The following SLC4A4 variants were observed in gnomAD, a reference collection of about 807,000 sequenced individuals.
SLC4A4 encodes electrogenic sodium bicarbonate cotransporter 1.
SLC4A4 carries 27 observed loss-of-function variants against 111.5 expected under a neutral mutation model. The ratio of observed to expected loss-of-function variants is 0.24; its 90% CI spans 0.18 to 0.33. The LOEUF (loss-of-function observed/expected upper bound fraction) is 0.33. Among genes scored for constraint, SLC4A4 ranks in the 10% least tolerant of loss-of-function variants. The pLI is 1.00. For missense variants in SLC4A4, 909 were observed against 1,315.5 expected (o/e 0.69, Z 4.78); for synonymous variants, 443 against 463.4 (o/e 0.96, Z 0.57).
chr4:71,331,305 G>A (rs993522061), intron 3 of SLC4A4, among the ~76,000 whole-genome samples: 22 of 152,116 alleles, frequency 1.4e-4, no homozygotes, highest in Non-Finnish European at 2.9e-4. Flanking sequence ...GGCACTATTC[G>A]TAATAGCAAA....
At chr4:71,396,087 T>C (rs1416808165) in intron 6 of SLC4A4, among the ~76,000 whole-genome samples, 1 of 152,230 alleles carries the variant, frequency 6.6e-6, no homozygotes, top group Non-Finnish European at 1.5e-5. Context: ...GAGTGGACAC[T>C]AGAAATCTAA....
chr4:71,225,989 T>C (rs1241530403), intron 1 of SLC4A4, among the ~76,000 whole-genome samples: 1 of 152,218 alleles, frequency 6.6e-6, no homozygotes, highest in Non-Finnish European at 1.5e-5. Flanking sequence ...TATATTGACA[T>C]TTTGAATCCT....
intron 24 of SLC4A4, among the ~76,000 whole-genome samples, chr4:71,565,004 A>T (rs1737330869): frequency 6.6e-6 from 1 of 151,740 alleles, no homozygotes; most frequent in African/African-American, 2.4e-5. Flanking sequence ...GAGTCTCTGA[A>T]GACTATTTTT....
intron 1 of SLC4A4, among the ~76,000 whole-genome samples, chr4:71,208,582 G>A (rs1419725455): frequency 6.9e-6 from 1 of 143,980 alleles, no homozygotes; most frequent in Non-Finnish European, 1.5e-5. Context: ...ATTAAAAGGG[G>A]CCTACATTAG....
rs1047831843 is a variant in SLC4A4, at chr4:71,079,909, C to T, written c.-64-12821C>T. On this transcript the variant is annotated intron_variant, in intron 1 of 26. Transcript: ENST00000649996. Reference sequence around the variant, plus strand: ...GTTTAAGTGTATGCTGAAAGCAGTACGAAGGTATGAAGTATAAGGACTCTT... The same window carrying T: ...GTTTAAGTGTATGCTGAAAGCAGTATGAAGGTATGAAGTATAAGGACTCTT... 7.3e-5 allele frequency among the ~76,000 whole-genome samples: 11 copies of T among 151,164 alleles called. 1 individual carries two copies. The highest frequency in any genetic ancestry group is 3.9e-4 in the East Asian group (2 of 5,180).
chr4:71,199,381 T>A (rs1159581856), intron 1 of SLC4A4, among the ~76,000 whole-genome samples: 8 of 152,240 alleles, frequency 5.3e-5, no homozygotes, highest in Non-Finnish European at 1.2e-4. Context: ...ATTTCTGAAT[T>A]GAAACCAACA....
intron 1 of SLC4A4, among the ~76,000 whole-genome samples, chr4:71,190,208 A>C (rs137916204): frequency 6.6e-6 from 1 of 152,230 alleles, no homozygotes; most frequent in African/African-American, 2.4e-5. Context: ...TTCCAAATAC[A>C]TTTTGCCTTT....
intron 6 of SLC4A4, among the ~76,000 whole-genome samples, chr4:71,391,308 T>C (rs1185568800): frequency 6.6e-6 from 1 of 152,096 alleles, no homozygotes; most frequent in African/African-American, 2.4e-5. Context: ...GATCTTTGTT[T>C]TAGCTTGTCC....
intron 3 of SLC4A4, among the ~76,000 whole-genome samples, chr4:71,271,531 A>ATCC (rs1722700009): frequency 6.6e-6 from 1 of 152,250 alleles, no homozygotes; most frequent in Non-Finnish European, 1.5e-5. Context: ...ACTAGGATTA[A>ATCC]TATTGTTCCT....
chr4:71,255,763 G>A (rs932285188), intron 3 of SLC4A4, among the ~76,000 whole-genome samples: 6 of 152,178 alleles, frequency 3.9e-5, no homozygotes. Context: ...AATAGGTTCT[G>A]TTGAGACAGC....
At chr4:71,257,328 T>C (rs1721523675) in intron 3 of SLC4A4, among the ~76,000 whole-genome samples, 1 of 152,230 alleles carries the variant, frequency 6.6e-6, no homozygotes, top group South Asian at 2.1e-4. Flanking sequence ...AAATTATTTA[T>C]AAGTATGCAT....
chr4:71,138,264 C>G (rs1240437328), intron 2 of SLC4A4, among the ~76,000 whole-genome samples: 1 of 152,164 alleles, frequency 6.6e-6, no homozygotes. Context: ...CTATCCATTC[C>G]TTGCTTGCCT....
At chr4:71,410,664 G>A (rs1281938444) in intron 7 of SLC4A4, among the ~76,000 whole-genome samples, 1 of 152,082 alleles carries the variant, frequency 6.6e-6, no homozygotes, top group Non-Finnish European at 1.5e-5. Flanking sequence ...AGACTTTGAG[G>A]GACTGTTGGG....
chr4:71,431,474 G>A (rs1723638828), intron 7 of SLC4A4, among the ~76,000 whole-genome samples: 1 of 152,092 alleles, frequency 6.6e-6, no homozygotes, highest in Admixed American at 6.6e-5. Flanking sequence ...AGTAGAATGT[G>A]GGCATGGAGA....
intron 3 of SLC4A4, among the ~76,000 whole-genome samples, chr4:71,271,213 T>C (rs1323197643): frequency 1.3e-5 from 2 of 152,242 alleles, no homozygotes; most frequent in Non-Finnish European, 2.9e-5. Flanking sequence ...CATACTTGTA[T>C]ACATAAATGA....
At chr4:71,098,485 C>G (rs757806498) in intron 2 of SLC4A4, among the ~76,000 whole-genome samples, 3 of 152,098 alleles carry the variant, frequency 2.0e-5, no homozygotes, top group African/African-American at 4.8e-5. Flanking sequence ...GTTCTTTTTG[C>G]TTAGGATTGC....
chr4:71,093,935 CAGG>C (rs1742461847), intron 2 of SLC4A4, among the ~76,000 whole-genome samples: 1 of 152,006 alleles, frequency 6.6e-6, no homozygotes, highest in Non-Finnish European at 1.5e-5. Context: ...GTCACAAAAG[CAGG>C]AGAACAAAAA....
intron 3 of SLC4A4, among the ~76,000 whole-genome samples, chr4:71,277,687 G>A (rs977106706): frequency 3.9e-5 from 5 of 128,742 alleles, no homozygotes; most frequent in African/African-American, 5.9e-5. Context: ...TTTTTCTCTC[G>A]CTCTGTCTTT....
In SLC4A4 at chr4:71,439,798, T is replaced by TG. The variant is rs1724550441; in HGVS notation, c.808-818_808-817insG. On this transcript the variant is annotated intron_variant, in intron 7 of 25. Transcript: ENST00000264485. ...CATGGTGATGTCTCTCAAATTTACG[T>TG]CTTCCCTCTCCGTCTTTCTGCTTGG... 2.0e-5 allele frequency among the ~76,000 whole-genome samples: 3 copies of TG among 151,542 alleles called. No individual in the cohort carries two copies. In the South Asian group the frequency reaches 6.3e-4, roughly 32 times the overall value.
Sources: gnomAD v4.1 joint callset for allele counts (sites outside exome capture counted in the v4.1 genomes callset) on GRCh38, gnomAD v4.1.1 for gene constraint, MANE v1.5 for transcripts, NCBI Gene and HGNC (gene_info 2026-07-23, HGNC 2026-07-21) for gene names.